Variants in EPS8L2 observed in about 807,000 individuals in gnomAD.
The protein encoded by EPS8L2 is EPS8 signaling adaptor L2, also known as epidermal growth factor receptor kinase substrate 8-like protein 2.
A neutral mutation model predicts 99.4 loss-of-function variants in EPS8L2; 81 were observed. The observed-to-expected ratio is 0.82, with a 90% confidence interval of 0.68 to 0.98. EPS8L2 has a LOEUF of 0.98. EPS8L2 is among the 50% of genes least tolerant of loss of function. The probability of loss-of-function intolerance (pLI) is 0.00; values close to 1 mark genes in which losing one functional copy is unlikely to be tolerated. For missense variants in EPS8L2, 1,155 were observed against 968.8 expected, an observed-to-expected ratio of 1.19 and a Z score of -2.55; for synonymous variants, 509 against 407.3, an observed-to-expected ratio of 1.25 and a Z score of -3.01.
chr11:721,229 G>A (rs548522384), intron 8 of EPS8L2, 23 bp downstream of exon 8: 7 of 1,533,654 alleles, frequency 4.6e-6, no homozygotes, highest in Admixed American at 4.0e-5. Flanking sequence ...GCTGGAGGGG[G>A]CTCCACAGGG....
At position 724,210 on chromosome 11, in the gene EPS8L2, G is replaced by A. The variant is rs1862259398; in HGVS notation, c.1455-514G>A. On this transcript the variant is annotated intron_variant, in intron 15 of 20. Coordinates refer to ENST00000318562, the MANE Select transcript of EPS8L2 (RefSeq NM_022772.4). This position sits in a 1 kb window ranked among gnomAD's most constrained non-coding sequence, Gnocchi z 5.5. Reference sequence around the variant, plus strand: ...ACAGGCCTGCTACATGCCAAAGCCAGGACCCCTCAGCCAGGGCCAGCCCCC... The same window carrying A: ...ACAGGCCTGCTACATGCCAAAGCCAAGACCCCTCAGCCAGGGCCAGCCCCC... Among the ~76,000 whole-genome samples the A allele has an allele frequency of 6.6e-6, 1 of 152,134 alleles. No homozygotes were observed. The highest frequency in any genetic ancestry group is 6.5e-5 in the Admixed American group (1 of 15,272).
intron 4 of EPS8L2, among the ~76,000 whole-genome samples, chr11:718,220 G>A (rs1204004809): frequency 4.6e-5 from 7 of 151,172 alleles, no homozygotes; most frequent in Non-Finnish European, 7.4e-5. Context: ...ATAATCCCAC[G>A]TACTCGGGAA....
intron 4 of EPS8L2, among the ~76,000 whole-genome samples, chr11:715,872 G>A (rs1478403579): frequency 1.6e-4 from 25 of 151,534 alleles, no homozygotes; most frequent in South Asian, 4.2e-4. Context: ...CGCCTGCCTC[G>A]GCCTCCTAAA....
At chr11:725,957 G>A in intron 17 of EPS8L2, 110 bp downstream of exon 17, 1 of 1,373,174 alleles carries the variant, frequency 7.3e-7, no homozygotes, top group Non-Finnish European at 9.6e-7. Context: ...ACTGGGGCAG[G>A]TGCAGGGCTC....
Position 721,350 on chromosome 11 carries a change from A to G in EPS8L2, c.766A>G (p.Thr256Ala), listed in dbSNP as rs1164014190. 2.6e-6 allele frequency: 4 copies of G among 1,536,168 alleles called. No individual in the cohort carries two copies. In the East Asian group the frequency reaches 9.9e-5, roughly 38 times the overall value. The change falls in exon 9 of 21, where the codon ACG becomes GCG. Residue 256 changes from threonine to alanine, a missense_variant and splice_region_variant. Transcript: ENST00000318562. Reference sequence around the variant, plus strand: ...GCTGGCTCAGAAGATAGAGAAGGAGACGGTGGGTGCCCGGGCCCGGCAGGT... The same window carrying G: ...GCTGGCTCAGAAGATAGAGAAGGAGGCGGTGGGTGCCCGGGCCCGGCAGGT... Reference protein sequence around the residue: ...AVLAQKIEKETQILNCALDDI... With the variant: ...AVLAQKIEKEAQILNCALDDI...
At chr11:720,978 G>GCCGGCTGGGGAGGGGAGGAGC in intron 7 of EPS8L2, 69 bp downstream of exon 7, 3 of 1,097,666 alleles carry the variant, frequency 2.7e-6, no homozygotes, top group Non-Finnish European at 2.5e-6. Context: ...GAGGGGAGGA[G>GCCGGCTGGGGAGGGGAGGAGC]CCGGCAGGGG....
rs963279459 is a variant in EPS8L2, at chr11:720,895, G to C, written c.543G>C (p.Arg181=). 3 of 1,436,100 alleles carry C rather than the reference G, an allele frequency of 2.1e-6. No individual in the cohort carries two copies. The African/African-American group carries it at 4.7e-5, about 22-fold the overall frequency. The allele number at this position is 1,436,100 out of a possible 1,614,324, so 89.0% of individuals were successfully genotyped here. A position where few individuals can be genotyped will look rare whatever the true frequency, so the allele number is the denominator to read the frequency against. ...LADCRLGKKM[R]PQTLKGHQEK... ...ACTGCCGGCTGGGCAAGAAGATGCG[G>C]CCGCAGACCCTGAAGTAGGGCAGCG... The change falls in exon 7 of 21, where the codon CGG becomes CGC. Residue 181 remains arginine, a synonymous_variant. Transcript: ENST00000318562.
At chr11:720,932 G>A (rs1390296487) in intron 7 of EPS8L2, 23 bp downstream of exon 7, 24 of 1,279,424 alleles carry the variant, frequency 1.9e-5, no homozygotes, top group Non-Finnish European at 2.3e-5. Context: ...GCGGAGCGGG[G>A]TCGCAGGGGG....
rs1409242087 is a variant in EPS8L2, at chr11:721,928, GCC to G, written c.926_927del (p.Pro309LeufsTer2). On this transcript the variant is annotated frameshift_variant, in exon 11 of 21. Coordinates refer to ENST00000318562, the MANE Select transcript of EPS8L2 (RefSeq NM_022772.4). LOFTEE classifies it high-confidence loss of function. ...AGGGCGTCCTCACACTGCGGGCACGGCCCCCCTCTGAGGGCGAGTTCATCGAC... is the reference window on the plus strand; with the variant it reads ...AGGGCGTCCTCACACTGCGGGCACGGCCCCTCTGAGGGCGAGTTCATCGAC... ...AEGVLTLRARPPSEGEFIDCF... is the reference protein window; with the variant it reads ...AEGVLTLRARXPSEGEFIDCF... 6.3e-7 allele frequency: 1 copy of G among 1,595,916 alleles called. No homozygotes were observed. The highest frequency in any genetic ancestry group is 1.7e-4 in the Middle Eastern group (1 of 5,922).
At chr11:716,285 A>G (rs755409177) in intron 4 of EPS8L2, among the ~76,000 whole-genome samples, 26 of 151,836 alleles carry the variant, frequency 1.7e-4, no homozygotes, top group Non-Finnish European at 3.2e-4. Flanking sequence ...AGTAGCTGGG[A>G]CTACAGGCGC....
chr11:720,943 C>CGGGGCGGGGAGGAGCCGGCA, intron 7 of EPS8L2, 34 bp downstream of exon 7: 1 of 502,468 alleles, frequency 2.0e-6, no homozygotes, highest in Non-Finnish European at 2.8e-6. Flanking sequence ...TCGCAGGGGG[C>CGGGGCGGGGAGGAGCCGGCA]GGGGAGGGGA....
In EPS8L2 at chr11:721,210, G is replaced by A; in HGVS notation, c.700+4G>A. 1.3e-6 allele frequency: 2 copies of A among 1,532,178 alleles called. No homozygotes were observed. The highest frequency in any genetic ancestry group is 1.8e-6 in the Non-Finnish European group (2 of 1,141,572). The allele number at this position is 1,532,178 out of a possible 1,614,324, so 94.9% of individuals were successfully genotyped here. A position where few individuals can be genotyped will look rare whatever the true frequency, so the allele number is the denominator to read the frequency against. On this transcript the variant is annotated splice_donor_region_variant and intron_variant, in intron 8 of 20. Transcript: ENST00000318562. ...CAGGTGCCACTCAGCGAGCCAGGTG[G>A]GCCGAGGGGCTGGAGGGGGCTCCAC... is the stretch of plus-strand genomic sequence containing the variant.
At chr11:716,123 C>T (rs1382773393) in intron 4 of EPS8L2, among the ~76,000 whole-genome samples, 3 of 151,048 alleles carry the variant, frequency 2.0e-5, no homozygotes, top group African/African-American at 7.3e-5. Context: ...CAGGCATGCA[C>T]CACCATGCCT....
chr11:725,668 C>G (rs968512092), intron 16 of EPS8L2, 60 bp from the exon 17 acceptor site: 3 of 1,279,150 alleles, frequency 2.3e-6, no homozygotes, highest in African/African-American at 1.6e-5. Flanking sequence ...GCGGCGCCAG[C>G]GGGTGGTCCC....
In EPS8L2 at chr11:721,049, C is replaced by T. The variant is rs1233794766; in HGVS notation, c.558-15C>T. On this transcript the variant is annotated splice_polypyrimidine_tract_variant and intron_variant, in intron 7 of 20. Coordinates refer to ENST00000318562, the MANE Select transcript of EPS8L2 (RefSeq NM_022772.4). ...CGTTCCCGGCGGGGCTGAGCAGGAC[C>T]CCCTCGCCCTCCAGGGGACACCAGG... is the stretch of plus-strand genomic sequence containing the variant. The T allele has an allele frequency of 4.4e-6, 6 of 1,365,094 alleles. No homozygotes were observed. The highest frequency in any genetic ancestry group is 2.5e-5 in the Admixed American group (1 of 39,682). The allele number at this position is 1,365,094 out of a possible 1,614,324, so 84.6% of individuals were successfully genotyped here.
intron 7 of EPS8L2, 23 bp downstream of exon 7, chr11:720,932 G>GAGGA: frequency 2.3e-6 from 3 of 1,279,426 alleles, no homozygotes; most frequent in South Asian, 1.3e-5. Flanking sequence ...GCGGAGCGGG[G>GAGGA]TCGCAGGGGG....
intron 4 of EPS8L2, among the ~76,000 whole-genome samples, chr11:710,778 G>A (rs894589509): frequency 3.3e-5 from 5 of 152,206 alleles, no homozygotes; most frequent in African/African-American, 1.2e-4. Flanking sequence ...AAGGGAGGAA[G>A]GGAGGAAGGG....
chr11:720,027 G>A (rs374371494), intron 4 of EPS8L2, 35 bp from the exon 5 acceptor site: 110 of 1,585,722 alleles, frequency 6.9e-5, no homozygotes, highest in Admixed American at 3.4e-4. Context: ...CACAAGGAGG[G>A]CTCTGCCCAG....
At chr11:709,796 C>T in intron 3 of EPS8L2, 188 bp downstream of exon 3, 1 of 636,070 alleles carries the variant, frequency 1.6e-6, no homozygotes, top group Non-Finnish European at 2.8e-6. Flanking sequence ...CCCTCCCCCA[C>T]ACCCGTAAGG....
Sources: gnomAD v4.1 joint callset for allele counts (sites outside exome capture counted in the v4.1 genomes callset) on GRCh38, gnomAD v4.1.1 for gene constraint, Gnocchi (gnomAD v3.1) non-coding constraint, MANE v1.5 for transcripts, NCBI Gene and HGNC (gene_info 2026-07-23, HGNC 2026-07-21) for gene names.